TNS3: variants seen among roughly 807,000 people sequenced by gnomAD.
TNS3 encodes tensin 3.
In TNS3, 45 loss-of-function variants were observed where a neutral mutation model predicts 140.9. That is an observed-to-expected ratio of 0.32 (90% CI 0.25 to 0.41). The LOEUF is 0.41. Ranked by LOEUF, TNS3 falls within the 10% of genes least tolerant of loss-of-function variation. The pLI is 1.00. For synonymous variants in TNS3, 815 were observed against 788.4 expected, an observed-to-expected ratio of 1.03 and a Z score of -0.56; for missense variants, 1,716 against 1,906.7, an observed-to-expected ratio of 0.90 and a Z score of 1.86.
At chr7:47,435,197 T>A in intron 8 of TNS3, 85 bp downstream of exon 8, 2 of 1,562,572 alleles carry the variant, frequency 1.3e-6, no homozygotes, top group Non-Finnish European at 1.7e-6. Context: ...AGCGGAAATG[T>A]GCTCAGATGC....
chr7:47,498,583 T>C (rs1342562334), intron 3 of TNS3, among the ~76,000 whole-genome samples: 1 of 152,248 alleles, frequency 6.6e-6, no homozygotes. Flanking sequence ...TAAAATTATA[T>C]TATTTATTTA....
intron 20 of TNS3, among the ~76,000 whole-genome samples, chr7:47,323,699 G>A (rs947984696): frequency 2.6e-5 from 4 of 152,158 alleles, no homozygotes; most frequent in Admixed American, 1.3e-4. Context: ...GGAGGGTGAA[G>A]AAACTTAAAT....
rs948771410 is a variant in TNS3 at position 47,580,798 on chromosome 7, G to C, written c.-265+1253C>G. ...TAATATGCACAGACCAAAGCCTCAA[G>C]AAAATCTAAAATGTCAAAGGGTTGG... On this transcript the variant is annotated intron_variant, in intron 1 of 30. Transcript: ENST00000311160. Among the ~76,000 whole-genome samples the C allele has an allele frequency of 4.0e-4, 61 of 152,294 alleles. 1 individual carries two copies. Among genetic ancestry groups the C allele is most frequent in the African/African-American group, 1.4e-3 (59 of 41,550 alleles).
rs556170458 is a variant in TNS3, at chr7:47,369,149, C to T, written c.1497G>A (p.Ser499=). ...CCAGGTGGGCCGACTGAGGCCCTTCCGAGGAGGACAGGGTCCCAAGGCTGT... is the reference window on the plus strand; with the variant it reads ...CCAGGTGGGCCGACTGAGGCCCTTCTGAGGAGGACAGGGTCCCAAGGCTGT... ...SVDSLGTLSS[S]EGPQSAHLGP... Residue 499 remains serine (S), a synonymous_variant, in exon 17 of 31, where the codon TCG becomes TCA. Coordinates refer to ENST00000311160, the MANE Select transcript of TNS3 (RefSeq NM_022748.12). The T allele has an allele frequency of 6.2e-6, 10 of 1,614,022 alleles. 1 individual carries two copies. Among genetic ancestry groups the T allele is most frequent in the South Asian group, 3.3e-5 (3 of 91,078 alleles).
chr7:47,457,802 C>T (rs1796320540), intron 4 of TNS3, among the ~76,000 whole-genome samples: 1 of 152,206 alleles, frequency 6.6e-6, no homozygotes, highest in Non-Finnish European at 1.5e-5. Context: ...TGACTCAAAT[C>T]CTAGCTCTGC....
At chr7:47,306,429 TA>T (rs1786757279) in intron 20 of TNS3, among the ~76,000 whole-genome samples, 1 of 152,240 alleles carries the variant, frequency 6.6e-6, no homozygotes, top group Non-Finnish European at 1.5e-5. Flanking sequence ...GCTCCATCTC[TA>T]CCAAGACAGA....
At chr7:47,455,441 T>C (rs542569732) in intron 4 of TNS3, among the ~76,000 whole-genome samples, 10 of 152,186 alleles carry the variant, frequency 6.6e-5, no homozygotes, top group Admixed American at 5.9e-4. Context: ...CTGGAGTTTA[T>C]CCCACAATAA....
Position 47,368,645 on chromosome 7 carries a change from G to A in TNS3, c.2001C>T (p.Pro667=). Residue 667 remains proline (P), a synonymous_variant, in exon 17 of 31, where the codon CCC becomes CCT. Coordinates refer to ENST00000311160, the MANE Select transcript of TNS3 (RefSeq NM_022748.12). The stretch of plus-strand genomic sequence containing the variant: ...TCACAACCTGGTCTCCTGGAAACCT[G>A]GGTTTGAACGCTTTGCTGGGAGAGG... ...QQPSPSKAFK[P]RFPGDQVVNG... 6.2e-7 allele frequency: 1 copy of A among 1,601,636 alleles called. No homozygotes were observed. Among genetic ancestry groups the A allele is most frequent in the Non-Finnish European group, 8.5e-7 (1 of 1,174,026 alleles).
intron 13 of TNS3, among the ~76,000 whole-genome samples, 193 bp from the exon 14 acceptor site, chr7:47,401,107 C>T (rs1321297269): frequency 6.6e-6 from 1 of 152,190 alleles, no homozygotes; most frequent in African/African-American, 2.4e-5. Context: ...GGCAGAGGCA[C>T]CACACTGCTG....
intron 3 of TNS3, among the ~76,000 whole-genome samples, chr7:47,486,533 T>C (rs2151810742): frequency 6.6e-6 from 1 of 152,256 alleles, no homozygotes; most frequent in South Asian, 2.1e-4. Flanking sequence ...TCATCCAAGG[T>C]GCACTGGCCC....
At chr7:47,302,077 T>G in intron 23 of TNS3, 109 bp downstream of exon 23, 1 of 858,210 alleles carries the variant, frequency 1.2e-6, no homozygotes, top group Non-Finnish European at 1.9e-6. Flanking sequence ...TCAATCCATA[T>G]GAAGGCCACG....
chr7:47,376,756 A>ACACACACACAC (rs1554305218), intron 16 of TNS3, among the ~76,000 whole-genome samples: 4 of 39,608 alleles, frequency 1.0e-4, no homozygotes, highest in South Asian at 7.5e-4. Flanking sequence ...CACACACACA[A>ACACACACACAC]ACTCATATAC....
At chr7:47,514,137 T>C (rs1334456798) in intron 2 of TNS3, among the ~76,000 whole-genome samples, 2 of 152,216 alleles carry the variant, frequency 1.3e-5, no homozygotes, top group Non-Finnish European at 2.9e-5. Flanking sequence ...CTGTCAAGTT[T>C]GCCAGCCTCT....
chr7:47,356,756 C>CGAT (rs1270370841), intron 17 of TNS3, among the ~76,000 whole-genome samples: 6 of 152,022 alleles, frequency 3.9e-5, no homozygotes, highest in African/African-American at 1.4e-4. Context: ...TAAATAAATA[C>CGAT]GATGATAAAT....
chr7:47,433,149 G>A (rs1795005868), intron 8 of TNS3, among the ~76,000 whole-genome samples: 1 of 152,186 alleles, frequency 6.6e-6, no homozygotes, highest in African/African-American at 2.4e-5. Flanking sequence ...CTCTGTTCCT[G>A]CCCAGGCTGA....
chr7:47,445,407 G>A lies in TNS3; in HGVS notation c.-75-3352C>T, dbSNP rs118095356. On this transcript the variant is annotated intron_variant, in intron 4 of 30. Transcript: ENST00000311160. The stretch of plus-strand genomic sequence containing the variant: ...GGAAATGAGGATTTGGTGGGCGGAC[G>A]TGTTGGAATCCCACAGTTAAGCTGC... Among the ~76,000 whole-genome samples the A allele has an allele frequency of 5.8e-3, 880 of 152,304 alleles. 5 individuals are homozygous for A. Among genetic ancestry groups the A allele is most frequent in the Non-Finnish European group, 9.1e-3 (621 of 68,032 alleles).
intron 4 of TNS3, among the ~76,000 whole-genome samples, chr7:47,455,907 G>T (rs1458532795): frequency 1.3e-5 from 2 of 152,210 alleles, no homozygotes; most frequent in South Asian, 2.1e-4. Context: ...GCAGAGAAAT[G>T]GAGGCACACT....
At chr7:47,419,262 T>C (rs551785175) in intron 10 of TNS3, among the ~76,000 whole-genome samples, 4 of 152,320 alleles carry the variant, frequency 2.6e-5, no homozygotes, top group African/African-American at 9.6e-5. Flanking sequence ...TCAGAGGGGA[T>C]GTCCAGGCCC....
chr7:47,469,855 T>C (rs1314190812), intron 4 of TNS3, among the ~76,000 whole-genome samples: 3 of 150,590 alleles, frequency 2.0e-5, no homozygotes, highest in African/African-American at 2.4e-5. Context: ...GTGCGTGTAA[T>C]CCAAGTTACT....
Sources: allele counts gnomAD v4.1 joint callset (sites outside exome capture counted in the v4.1 genomes callset), GRCh38; gene constraint gnomAD v4.1.1; transcripts MANE v1.5; gene names NCBI Gene and HGNC (gene_info 2026-07-23, HGNC 2026-07-21).